Variants in INVS observed in about 807,000 individuals in gnomAD.
INVS encodes inversin.
A neutral mutation model predicts 108.8 loss-of-function variants in INVS; 86 were observed. The ratio of observed to expected loss-of-function variants is 0.79; its 90% confidence interval spans 0.66 to 0.95. The LOEUF (loss-of-function observed/expected upper bound fraction) is 0.95, where lower values mean the gene tolerates loss of function less well. INVS is among the 40% of genes least tolerant of loss of function. The pLI, the probability that INVS is intolerant of heterozygous loss-of-function variation, is 0.00. For synonymous variants in INVS, 455 were observed against 473.5 expected (o/e 0.96, Z 0.51); for missense variants, 1,169 against 1,297.4 (o/e 0.90, Z 1.52).
intron 11 of INVS, among the ~76,000 whole-genome samples, chr9:100,270,807 A>G (rs1832931793): frequency 6.7e-6 from 1 of 150,326 alleles, no homozygotes; most frequent in South Asian, 2.1e-4. Context: ...CCGTGGTCCC[A>G]GCTATTTGGG....
chr9:100,137,725 C>T (rs1041337361), intron 3 of INVS, among the ~76,000 whole-genome samples: 1 of 152,086 alleles, frequency 6.6e-6, no homozygotes, highest in African/African-American at 2.4e-5. Flanking sequence ...ATAGTGTTTA[C>T]AAATATATAT....
At chr9:100,114,201 A>G (rs1827435487) in intron 2 of INVS, among the ~76,000 whole-genome samples, 1 of 152,128 alleles carries the variant, frequency 6.6e-6, no homozygotes, top group Non-Finnish European at 1.5e-5. Flanking sequence ...GACCATCAAG[A>G]TAAAGAACAA....
intron 3 of INVS, among the ~76,000 whole-genome samples, chr9:100,127,103 G>A (rs1375926904): frequency 1.3e-5 from 2 of 151,988 alleles, no homozygotes; most frequent in East Asian, 3.8e-4. Context: ...GGCTCAGGTG[G>A]GAGGATCACT....
chr9:100,107,553 T>C (rs1588002806), intron 2 of INVS, among the ~76,000 whole-genome samples: 1 of 152,284 alleles, frequency 6.6e-6, no homozygotes, highest in South Asian at 2.1e-4. Context: ...CAAGCCCTTT[T>C]TCATCTCAGG....
rs1832291346 is a variant in INVS, at chr9:100,253,100, G to A, written c.1428G>A (p.Met476Ile). 2 of 1,613,662 alleles carry A rather than the reference G, an allele frequency of 1.2e-6. No homozygotes were observed. The highest frequency in any genetic ancestry group is 1.7e-6 in the Non-Finnish European group (2 of 1,179,788). The change falls in exon 10 of 17, where the codon ATG becomes ATA. Residue 476 changes from methionine to isoleucine, a missense_variant. Physicochemically the swap from Met to Ile is conservative, Grantham distance 10. Transcript: ENST00000262457. ...GGYINCMAVL[M>I]ENNADPNIQD... ...ATATCAACTGCATGGCAGTTCTCATGGAAAACAATGCAGACCCTAACATTC... is the reference window on the plus strand; with the variant it reads ...ATATCAACTGCATGGCAGTTCTCATAGAAAACAATGCAGACCCTAACATTC...
rs187008476 is a variant in INVS at position 100,112,781 on chromosome 9, G to A, written c.106+8154G>A. 1.5e-3 allele frequency among the ~76,000 whole-genome samples: 233 copies of A among 152,284 alleles called. 5 individuals are homozygous for A. Among genetic ancestry groups the A allele is most frequent in the Non-Finnish European group, 1.9e-4 (13 of 68,038 alleles). On this transcript the variant is annotated intron_variant, in intron 2 of 16. Transcript: ENST00000262457. ...GCTACATGTGGCCCACAGGCCACAG[G>A]TTGGATAAGCTCGAGTTAGGATTAT...
At chr9:100,204,665 AG>A (rs2118255185) in intron 3 of INVS, among the ~76,000 whole-genome samples, 1 of 152,276 alleles carries the variant, frequency 6.6e-6, no homozygotes, top group South Asian at 2.1e-4. Context: ...ACAAAAAAAA[AG>A]ATTTTCCCAC....
chr9:100,260,888 C>T lies in INVS; in HGVS notation c.1465-3934C>T, dbSNP rs532263799. On this transcript the variant is annotated intron_variant, in intron 10 of 16. Coordinates refer to ENST00000262457, the MANE Select transcript of INVS (RefSeq NM_014425.5). ...TTTAACTTTTTTCCTTTGGGATTATCGCATTAGAATAATTCCCCCTAAGTG... is the reference window on the plus strand; with the variant it reads ...TTTAACTTTTTTCCTTTGGGATTATTGCATTAGAATAATTCCCCCTAAGTG... Among the ~76,000 whole-genome samples the T allele has an allele frequency of 1.3e-3, 203 of 152,186 alleles. 2 individuals carry two copies. Among genetic ancestry groups the T allele is most frequent in the African/African-American group, 4.4e-3 (182 of 41,528 alleles).
intron 3 of INVS, among the ~76,000 whole-genome samples, chr9:100,132,510 TC>T (rs1359672526): frequency 1.3e-5 from 2 of 152,154 alleles, no homozygotes; most frequent in Non-Finnish European, 2.9e-5. Context: ...GGATGATGAG[TC>T]CTTAGATATA....
chr9:100,184,574 G>A (rs1329570960), intron 3 of INVS, among the ~76,000 whole-genome samples: 2 of 152,164 alleles, frequency 1.3e-5, no homozygotes, highest in Non-Finnish European at 2.9e-5. Flanking sequence ...GTGCATGTCT[G>A]TGCACCTATA....
At chr9:100,298,166 TCTCC>T in intron 16 of INVS, 156 bp downstream of exon 16, 1 of 1,536,124 alleles carries the variant, frequency 6.5e-7, no homozygotes, top group Non-Finnish European at 8.7e-7. Context: ...CCAACATCTG[TCTCC>T]CTAAGAGGCA....
intron 3 of INVS, among the ~76,000 whole-genome samples, chr9:100,177,192 G>A (rs1010681058): frequency 2.0e-5 from 3 of 152,028 alleles, no homozygotes; most frequent in Non-Finnish European, 2.9e-5. Flanking sequence ...CAAAAAACCG[G>A]GCGGCCATTT....
chr9:100,223,260 A>AT (rs1186325949), intron 3 of INVS, among the ~76,000 whole-genome samples: 4 of 151,428 alleles, frequency 2.6e-5, no homozygotes, highest in East Asian at 3.9e-4. Flanking sequence ...TGCCCGGCTG[A>AT]TTTTTTTTGT....
At chr9:100,153,714 A>T (rs946993292) in intron 3 of INVS, among the ~76,000 whole-genome samples, 1 of 152,214 alleles carries the variant, frequency 6.6e-6, no homozygotes, top group African/African-American at 2.4e-5. Context: ...ATATCAAGTT[A>T]TCAGCATCTG....
At chr9:100,279,437 GTA>G (rs1313491885) in intron 12 of INVS, among the ~76,000 whole-genome samples, 1 of 152,206 alleles carries the variant, frequency 6.6e-6, no homozygotes, top group East Asian at 1.9e-4. Flanking sequence ...ATAACCATCT[GTA>G]TCATTCAATT....
intron 3 of INVS, among the ~76,000 whole-genome samples, chr9:100,168,162 A>G (rs1829425517): frequency 6.6e-6 from 1 of 152,110 alleles, no homozygotes. Context: ...CATCTCCAGA[A>G]TGTTTGTATT....
chr9:100,172,583 T>G (rs1233239892), intron 3 of INVS, among the ~76,000 whole-genome samples: 1 of 152,192 alleles, frequency 6.6e-6, no homozygotes, highest in Non-Finnish European at 1.5e-5. Context: ...TCTCATCTAC[T>G]TGGACAAGGA....
At chr9:100,256,626 C>G (rs909882638) in intron 10 of INVS, among the ~76,000 whole-genome samples, 6 of 152,150 alleles carry the variant, frequency 3.9e-5, no homozygotes, top group Non-Finnish European at 7.3e-5. Context: ...TCTTTGTTCT[C>G]ATTGGTTTCA....
intron 5 of INVS, among the ~76,000 whole-genome samples, chr9:100,230,527 A>AT (rs1419969532): frequency 1.3e-5 from 2 of 151,124 alleles, no homozygotes; most frequent in Non-Finnish European, 2.9e-5. Context: ...ATTTTATTTT[A>AT]TTTTATTTTG....
Sources: allele counts gnomAD v4.1 joint callset (sites outside exome capture counted in the v4.1 genomes callset), GRCh38; gene constraint gnomAD v4.1.1; transcripts MANE v1.5; gene names NCBI Gene and HGNC (gene_info 2026-07-23, HGNC 2026-07-21).